The following RSBN1L variants were observed in gnomAD, a reference collection of about 807,000 sequenced individuals.
The protein encoded by RSBN1L is round spermatid basic protein 1 like.
RSBN1L carries 30 observed loss-of-function variants against 67.7 expected under a neutral mutation model. The ratio of observed to expected loss-of-function variants is 0.44; its 90% confidence interval spans 0.33 to 0.60. The LOEUF (loss-of-function observed/expected upper bound fraction) is 0.60, where lower values mean the gene tolerates loss of function less well. Ranked by LOEUF, RSBN1L falls within the 20% of genes least tolerant of loss-of-function variation. The pLI is 0.02. For synonymous variants in RSBN1L, 433 were observed against 387.0 expected (o/e 1.12, Z -1.39); for missense variants, 992 against 1,031.7 (o/e 0.96, Z 0.53).
intron 1 of RSBN1L, among the ~76,000 whole-genome samples, chr7:77,704,165 T>C (rs1790858135): frequency 6.6e-6 from 1 of 152,196 alleles, no homozygotes. Flanking sequence ...ATTTGTCTAA[T>C]TTTCTCATGG....
rs1791962349 is a variant in RSBN1L, at chr7:77,779,221, A to T, written c.*53A>T. On this transcript the variant is annotated 3_prime_UTR_variant, in exon 8 of 8. Transcript: ENST00000334955. Reference sequence around the variant, plus strand: ...TTTAAAAAAATTTAATGTAATAAAGATTCATGAATTCTGAAAGCAAGCCAA... The same window carrying T: ...TTTAAAAAAATTTAATGTAATAAAGTTTCATGAATTCTGAAAGCAAGCCAA... 1.6e-6 allele frequency: 2 copies of T among 1,275,500 alleles called. No homozygotes were observed. The highest frequency in any genetic ancestry group is 2.4e-5 in the East Asian group (1 of 40,878). 79.0% of individuals were successfully genotyped at this position (1,275,500 alleles called of 1,614,324 possible).
At position 77,749,665 on chromosome 7, in the gene RSBN1L, C is replaced by T; in HGVS notation, c.945C>T (p.Ser315=). Residue 315 remains serine (S), a synonymous_variant, in exon 3 of 8, where the codon TCC becomes TCT. Transcript: ENST00000334955. ...ATTTGGATACCAAGAACTATGATTC[C>T]AAAATTCCAGAGAACAGTGAGTTTC... is the stretch of plus-strand genomic sequence containing the variant. The part of the protein sequence containing the change: ...GKNLDTKNYD[S]KIPENSEFPF... The T allele has an allele frequency of 1.2e-6, 2 of 1,614,052 alleles. No individual in the cohort carries two copies. The highest frequency in any genetic ancestry group is 1.7e-6 in the Non-Finnish European group (2 of 1,180,008).
At chr7:77,760,691 T>A (rs1036090398) in intron 3 of RSBN1L, among the ~76,000 whole-genome samples, 4 of 152,210 alleles carry the variant, frequency 2.6e-5, no homozygotes, top group Non-Finnish European at 5.9e-5. Context: ...TGGAGTGCAG[T>A]GGTGCGATCT....
rs957195884 is a variant in RSBN1L, at chr7:77,781,697, T to G, written c.*2529T>G. On this transcript the variant is annotated 3_prime_UTR_variant, in exon 8 of 8. Transcript: ENST00000334955. The stretch of plus-strand genomic sequence containing the variant: ...AAAATTTAATTGTTTTAAAAATGCA[T>G]ACATCGGCCGGGTGCAGTGGCTCAC... 2 of 152,128 alleles carry G rather than the reference T, an allele frequency of 1.3e-5. No homozygotes were observed. Among genetic ancestry groups the G allele is most frequent in the Non-Finnish European group, 2.9e-5 (2 of 68,026 alleles). 9.4% of individuals were successfully genotyped at this position (152,128 alleles called of 1,614,324 possible).
intron 3 of RSBN1L, among the ~76,000 whole-genome samples, chr7:77,752,528 G>T (rs1265321086): frequency 6.6e-6 from 1 of 152,154 alleles, no homozygotes; most frequent in African/African-American, 2.4e-5. Flanking sequence ...AGCAGTAGGA[G>T]AAAAATGAGC....
intron 1 of RSBN1L, among the ~76,000 whole-genome samples, chr7:77,715,589 A>G (rs1321242793): frequency 6.6e-6 from 1 of 152,170 alleles, no homozygotes; most frequent in African/African-American, 2.4e-5. Context: ...AATTACAGGC[A>G]CGACACTGTG....
chr7:77,757,379 A>G (rs1259943207), intron 3 of RSBN1L, among the ~76,000 whole-genome samples: 1 of 152,222 alleles, frequency 6.6e-6, no homozygotes, highest in Non-Finnish European at 1.5e-5. Context: ...GGTATTATAT[A>G]TATTTTAACA....
At chr7:77,701,035 A>G (rs1450654801) in intron 1 of RSBN1L, among the ~76,000 whole-genome samples, 2 of 151,432 alleles carry the variant, frequency 1.3e-5, no homozygotes, top group East Asian at 1.9e-4. Context: ...GCACGCACCT[A>G]TAGTCTCAGC....
At chr7:77,731,515 C>T (rs1791271663) in intron 1 of RSBN1L, among the ~76,000 whole-genome samples, 1 of 152,186 alleles carries the variant, frequency 6.6e-6, no homozygotes, top group Non-Finnish European at 1.5e-5. Flanking sequence ...GTATTACAGG[C>T]TTGAGCTACT....
intron 1 of RSBN1L, among the ~76,000 whole-genome samples, chr7:77,733,314 G>C (rs182247524): frequency 2.6e-5 from 4 of 152,248 alleles, no homozygotes; most frequent in African/African-American, 7.2e-5. Context: ...GTATAGATGG[G>C]ATTATTTGTG....
intron 3 of RSBN1L, 25 bp from the exon 4 acceptor site, chr7:77,765,468 CTT>C (rs1167918998): frequency 6.7e-7 from 1 of 1,497,558 alleles, no homozygotes; most frequent in East Asian, 2.3e-5. Flanking sequence ...ACGTATTTAA[CTT>C]TTAATTAAAT....
intron 3 of RSBN1L, among the ~76,000 whole-genome samples, chr7:77,756,959 C>T (rs1364659032): frequency 6.6e-6 from 1 of 152,196 alleles, no homozygotes; most frequent in Admixed American, 6.5e-5. Context: ...GGTTGTGCAA[C>T]CTGATGGTAC....
At chr7:77,741,929 A>G (rs964159253) in intron 2 of RSBN1L, among the ~76,000 whole-genome samples, 7 of 151,994 alleles carry the variant, frequency 4.6e-5, no homozygotes, top group African/African-American at 1.2e-4. Flanking sequence ...TAAAGAATGC[A>G]TTTTGCCTGT....
intron 2 of RSBN1L, among the ~76,000 whole-genome samples, chr7:77,743,825 T>G (rs1229830034): frequency 2.6e-5 from 4 of 152,130 alleles, no homozygotes; most frequent in Non-Finnish European, 5.9e-5. Context: ...CATTACTGCC[T>G]TCTTTCCCTG....
At chr7:77,770,330 G>A (rs370862600) in intron 5 of RSBN1L, among the ~76,000 whole-genome samples, 4 of 151,918 alleles carry the variant, frequency 2.6e-5, no homozygotes, top group Non-Finnish European at 4.4e-5. Context: ...AACCCAGATC[G>A]CTTCACTGCA....
intron 1 of RSBN1L, among the ~76,000 whole-genome samples, chr7:77,721,828 G>C (rs879529056): frequency 5.3e-5 from 8 of 152,134 alleles, no homozygotes; most frequent in Admixed American, 1.3e-4. Context: ...TTATTCATTC[G>C]TTTTAAGCAG....
chr7:77,762,847 A>T (rs1235106828), intron 3 of RSBN1L, among the ~76,000 whole-genome samples: 3 of 152,172 alleles, frequency 2.0e-5, no homozygotes, highest in Admixed American at 1.3e-4. Context: ...TTCATGTATA[A>T]TATGACTTTT....
intron 2 of RSBN1L, among the ~76,000 whole-genome samples, chr7:77,745,105 T>C (rs1216879952): frequency 1.3e-5 from 2 of 152,016 alleles, no homozygotes; most frequent in Admixed American, 1.3e-4. Flanking sequence ...CTACTAAAAA[T>C]ACAAAATTAG....
chr7:77,735,896 G>A (rs1428209264), intron 1 of RSBN1L, among the ~76,000 whole-genome samples: 2 of 152,020 alleles, frequency 1.3e-5, no homozygotes, highest in African/African-American at 4.8e-5. Flanking sequence ...AGGAGCCAAG[G>A]GTAAGGGAAC....
Sources: gnomAD v4.1 joint callset for allele counts (sites outside exome capture counted in the v4.1 genomes callset) on GRCh38, gnomAD v4.1.1 for gene constraint, MANE v1.5 for transcripts, NCBI Gene and HGNC (gene_info 2026-07-23, HGNC 2026-07-21) for gene names.